DNAI3: variants seen among roughly 807,000 people sequenced by gnomAD.
The protein encoded by DNAI3 is dynein axonemal intermediate chain 3, also known as WD repeat domain 63.
In DNAI3, 83 loss-of-function variants were observed where a neutral mutation model predicts 115.5. That is an observed-to-expected ratio of 0.72 (90% CI 0.60 to 0.86). DNAI3 has a LOEUF of 0.86. Among genes scored for constraint, DNAI3 ranks in the 40% least tolerant of loss-of-function variants. The probability of loss-of-function intolerance (pLI) is 0.00; values close to 1 mark genes in which losing one functional copy is unlikely to be tolerated. For missense variants in DNAI3, 1,004 were observed against 1,075.8 expected, an observed-to-expected ratio of 0.93 and a Z score of 0.93; for synonymous variants, 320 against 347.0, an observed-to-expected ratio of 0.92 and a Z score of 0.86.
At position 85,124,336 on chromosome 1, in the gene DNAI3, T is replaced by C. The variant is rs17121750; in HGVS notation, c.2112+85T>C. 2.7e-3 allele frequency: 4,357 copies of C among 1,585,794 alleles called. 97 individuals carry two copies. In the African/African-American group the frequency reaches 0.051, roughly 18 times the overall value. On this transcript the variant is annotated intron_variant, in intron 19 of 22. Coordinates refer to ENST00000294664, the MANE Select transcript of DNAI3 (RefSeq NM_145172.5). ...GAGGAACTGTTATGTTCTGACATAA[T>C]AGTGCCTTTGGGACACTTTTTAGAG...
At chr1:85,092,732 C>T (rs1330854116) in intron 8 of DNAI3, among the ~76,000 whole-genome samples, 1 of 151,344 alleles carries the variant, frequency 6.6e-6, no homozygotes, top group African/African-American at 2.4e-5. Flanking sequence ...TCATGCATTG[C>T]AGGAGGTTTG....
rs1203756791 is a variant in DNAI3 at position 85,104,120 on chromosome 1, CTTTT to C, written c.1480-389_1480-386del. ...CAAACTTCTGAGATAGTGGTATGTC[CTTTT>C]TTTTTTTTTTTTTTGGGCTGGAGTC... is the stretch of plus-strand genomic sequence containing the variant. On this transcript the variant is annotated intron_variant, in intron 13 of 22. Transcript: ENST00000294664. Among the ~76,000 whole-genome samples, 847 of 133,492 alleles carry C rather than the reference CTTTT, an allele frequency of 6.3e-3. 10 individuals carry two copies. Among genetic ancestry groups the C allele is most frequent in the African/African-American group, 0.021 (767 of 35,858 alleles). 87.6% of individuals were successfully genotyped at this position (133,492 alleles called of 152,430 possible).
intron 16 of DNAI3, among the ~76,000 whole-genome samples, chr1:85,111,744 CT>C (rs1315754893): frequency 6.6e-6 from 1 of 152,132 alleles, no homozygotes; most frequent in Non-Finnish European, 1.5e-5. Context: ...ATCAGTATCT[CT>C]TTTAAAGTGT....
At position 85,096,015 on chromosome 1, in the gene DNAI3, G is replaced by A. The variant is rs994072855; in HGVS notation, c.1258G>A (p.Gly420Arg). 1 of 1,613,460 alleles carries A rather than the reference G, an allele frequency of 6.2e-7. No individual in the cohort carries two copies. Among genetic ancestry groups the A allele is most frequent in the Non-Finnish European group, 8.5e-7 (1 of 1,179,696 alleles). The change falls in exon 11 of 23, where the codon GGG (glycine) becomes AGG (arginine). Residue 420 changes from glycine to arginine, a missense_variant. Coordinates refer to ENST00000294664, the MANE Select transcript of DNAI3 (RefSeq NM_145172.5). ...TATCATTGCTGGAGGCTGTATCAAT[G>A]GGCAGGTACTTAACAGAATTTTTTT... is the stretch of plus-strand genomic sequence containing the variant. The part of the protein sequence containing the change: ...PNIIAGGCIN[G>R]QIVMWDITAH...
intron 10 of DNAI3, 130 bp from the exon 11 acceptor site, chr1:85,095,801 A>G (rs2100583404): frequency 1.2e-6 from 1 of 838,782 alleles, no homozygotes. Context: ...GAACTCTGAG[A>G]ATAGACTCTC....
chr1:85,129,026 T>G (rs1656235124), intron 21 of DNAI3, among the ~76,000 whole-genome samples: 1 of 152,166 alleles, frequency 6.6e-6, no homozygotes, highest in South Asian at 2.1e-4. Flanking sequence ...AAGTCCAGAT[T>G]CTGAGAGAAT....
intron 16 of DNAI3, 39 bp downstream of exon 16, chr1:85,110,174 G>A (rs554556074): frequency 1.6e-5 from 24 of 1,460,980 alleles, no homozygotes; most frequent in East Asian, 2.3e-5. Context: ...AAAAAAGGCC[G>A]GGCGCGGTGG....
Position 85,105,534 on chromosome 1 carries a change from AAAAAAAAG to A in DNAI3, c.1553+943_1553+950del, listed in dbSNP as rs1003828972. 2.7e-4 allele frequency among the ~76,000 whole-genome samples: 37 copies of A among 139,142 alleles called. 1 individual carries two copies. The highest frequency in any genetic ancestry group is 9.4e-4 in the African/African-American group (34 of 36,134). 91.3% of individuals were successfully genotyped at this position (139,142 alleles called of 152,430 possible). A position where few individuals can be genotyped will look rare whatever the true frequency, so the allele number is the denominator to read the frequency against. On this transcript the variant is annotated intron_variant, in intron 14 of 22. Transcript: ENST00000294664. The stretch of plus-strand genomic sequence containing the variant: ...CAAGAGTGAAACTCTGTCTCAAAAA[AAAAAAAAG>A]AAAAAGAAAAAGAAAGAAAGAAAAG...
intron 10 of DNAI3, 50 bp from the exon 11 acceptor site, chr1:85,095,881 A>G (rs1281478904): frequency 2.6e-5 from 34 of 1,285,424 alleles, no homozygotes; most frequent in Non-Finnish European, 3.4e-5. Flanking sequence ...TCTCGCCATG[A>G]TCTTAATCTC....
At chr1:85,084,473 A>AAT (rs57826280) in intron 5 of DNAI3, 73 bp from the exon 6 acceptor site, 396,571 of 942,688 alleles carry the variant, frequency 0.42, 38,990 homozygotes, top group African/African-American at 0.52. Context: ...TTTGTTGCAA[A>AAT]ATATATATAT....
At position 85,124,217 on chromosome 1, in the gene DNAI3, G is replaced by T. The variant is rs1656066988; in HGVS notation, c.2078G>T (p.Gly693Val). ...FYNDIILTVGGWNVAIWKEGV... is the reference protein window; with the variant it reads ...FYNDIILTVGVWNVAIWKEGV... The stretch of plus-strand genomic sequence containing the variant: ...AACGACATTATTCTCACGGTTGGAG[G>T]TTGGAACGTGGCCATATGGAAAGAA... The change falls in exon 19 of 23, where the codon GGT becomes GTT. Residue 693 changes from glycine (G) to valine (V), a missense_variant. Around this residue, in one of 3 missense-constraint regions of DNAI3, gnomAD observed 429 missense variants for 454.3 expected, o/e 0.94. Transcript: ENST00000294664. 1 of 1,612,676 alleles carries T rather than the reference G, an allele frequency of 6.2e-7. No homozygotes were observed. The highest frequency in any genetic ancestry group is 1.1e-5 in the South Asian group (1 of 90,896).
intron 17 of DNAI3, among the ~76,000 whole-genome samples, chr1:85,118,988 C>A (rs1655911095): frequency 6.6e-6 from 1 of 152,076 alleles, no homozygotes; most frequent in Non-Finnish European, 1.5e-5. Context: ...TCTAGAATGC[C>A]TGGTTGGAAT....
At chr1:85,125,937 A>ATGAT (rs1457052905) in intron 19 of DNAI3, among the ~76,000 whole-genome samples, 7 of 152,344 alleles carry the variant, frequency 4.6e-5, no homozygotes, top group Admixed American at 3.9e-4. Context: ...AGATGATTGC[A>ATGAT]TGATGCTTTG....
In DNAI3 at chr1:85,117,767, G is replaced by T; in HGVS notation, c.1825G>T (p.Glu609Ter). The change falls in exon 17 of 23, where the codon GAA (glutamate) becomes TAA (stop). Residue 609 changes from glutamate (E) to a stop codon, truncating the protein, a stop_gained. Coordinates refer to ENST00000294664, the MANE Select transcript of DNAI3 (RefSeq NM_145172.5). LOFTEE classifies it high-confidence loss of function. ...LAQSKTEKAEEMNPYHNLESG... is the reference protein window; with the variant it reads ...LAQSKTEKAE ...ACAGAGCAAAACAGAGAAGGCAGAA[G>T]AAATGAACCCGTATCATAATCTGGA... 1 of 1,613,848 alleles carries T rather than the reference G, an allele frequency of 6.2e-7. No individual in the cohort carries two copies. Among genetic ancestry groups the T allele is most frequent in the Non-Finnish European group, 8.5e-7 (1 of 1,179,768 alleles).
chr1:85,132,862 A>C lies in DNAI3; in HGVS notation c.2540A>C (p.Tyr847Ser), dbSNP rs1346143090. 1.2e-6 allele frequency: 2 copies of C among 1,613,198 alleles called. No homozygotes were observed. The highest frequency in any genetic ancestry group is 2.7e-5 in the African/African-American group (2 of 74,840). ...LEMAKKKVKT[Y>S]QKSKEQMQAE... ...TTTTTCTTCCCCCCCCAGAAAACAT[A>C]TCAGAAGTCAAAAGAACAAATGCAG... The change falls in exon 23 of 23, where the codon TAT becomes TCT. Residue 847 changes from tyrosine (Y) to serine (S), a missense_variant. By Grantham distance (144) the Tyr-to-Ser change is moderately radical. Around this residue, in one of 3 missense-constraint regions of DNAI3, gnomAD observed 429 missense variants for 454.3 expected, o/e 0.94. Transcript: ENST00000294664.
intron 3 of DNAI3, among the ~76,000 whole-genome samples, chr1:85,080,522 G>A (rs899118973): frequency 1.3e-5 from 2 of 152,142 alleles, no homozygotes; most frequent in Non-Finnish European, 2.9e-5. Context: ...GGGCAGGGCT[G>A]CAGGACCTGG....
rs898961720 is a variant in DNAI3, at chr1:85,074,149, C to A, written c.103+1057C>A. Among the ~76,000 whole-genome samples the A allele has an allele frequency of 1.9e-4, 29 of 152,134 alleles. 2 individuals are homozygous for A. The highest frequency in any genetic ancestry group is 2.1e-4 in the Non-Finnish European group (14 of 68,014). On this transcript the variant is annotated intron_variant, in intron 3 of 22. Transcript: ENST00000294664. ...CCTGTTTTAAAATATATCTCAAACC[C>A]ATCTGCTTCATATTATCTTCCCACC...
intron 9 of DNAI3, 98 bp from the exon 10 acceptor site, chr1:85,094,333 G>A: frequency 1.3e-6 from 2 of 1,508,720 alleles, no homozygotes; most frequent in Non-Finnish European, 1.8e-6. Flanking sequence ...TGTGGACAAA[G>A]TGTAAATGAA....
chr1:85,064,795 G>C (rs1355381356), intron 1 of DNAI3, among the ~76,000 whole-genome samples: 2 of 152,114 alleles, frequency 1.3e-5, no homozygotes, highest in African/African-American at 4.8e-5. Context: ...CACTTTGGGA[G>C]GCCGAGGCAG....
Sources: gnomAD v4.1 joint callset for allele counts (sites outside exome capture counted in the v4.1 genomes callset) on GRCh38, gnomAD v4.1.1 for gene constraint, gnomAD v4.1.1 regional missense constraint, MANE v1.5 for transcripts, NCBI Gene and HGNC (gene_info 2026-07-23, HGNC 2026-07-21) for gene names.